The following APLP2 variants were observed in gnomAD, a reference collection of about 807,000 sequenced individuals.
The protein encoded by APLP2 is amyloid beta precursor like protein 2, also known as CDEI box-binding protein.
APLP2 carries 53 observed loss-of-function variants against 89.9 expected under a neutral mutation model. The observed-to-expected ratio is 0.59, with a 90% CI of 0.47 to 0.74. The LOEUF (loss-of-function observed/expected upper bound fraction) is 0.74, where lower values mean the gene tolerates loss of function less well. Among genes scored for constraint, APLP2 ranks in the 30% least tolerant of loss-of-function variants. The pLI, the probability that APLP2 is intolerant of heterozygous loss-of-function variation, is 0.00. For synonymous variants in APLP2, 372 were observed against 348.6 expected (o/e 1.07, Z -0.75); for missense variants, 973 against 975.9 (o/e 1.00, Z 0.04).
In APLP2 at chr11:130,140,425, G is replaced by A. The variant is rs532810094; in HGVS notation, c.1865G>A (p.Gly622Glu). ...EGSGVGEQDG[G>E]LIGAEEKVIN... ...TCTGGAGTGGGAGAGCAGGATGGGG[G>A]ACTGATCGGTGCCGAAGAGAAAGTG... is the stretch of plus-strand genomic sequence containing the variant. The change falls in exon 14 of 17, where the codon GGA (glycine) becomes GAA (glutamate). Residue 622 changes from glycine (G) to glutamate (E), a missense_variant. Physicochemically the swap from Gly to Glu is moderately conservative, Grantham distance 98. Coordinates refer to ENST00000338167, the MANE Select transcript of APLP2 (RefSeq NM_001142276.2). 1 of 1,611,510 alleles carries A rather than the reference G, an allele frequency of 6.2e-7. No homozygotes were observed. The highest frequency in any genetic ancestry group is 2.2e-5 in the East Asian group (1 of 44,658).
intron 5 of APLP2, among the ~76,000 whole-genome samples, 198 bp downstream of exon 5, chr11:130,122,008 T>G (rs550481581): frequency 7.2e-5 from 11 of 152,228 alleles, no homozygotes; most frequent in Non-Finnish European, 1.6e-4. Context: ...TACATCATTC[T>G]GAGCTGTTAT....
chr11:130,094,402 T>A (rs1413090331), intron 1 of APLP2, among the ~76,000 whole-genome samples: 4 of 152,000 alleles, frequency 2.6e-5, no homozygotes, highest in African/African-American at 9.7e-5. Context: ...TTGGCCAGGC[T>A]GGTCTTGAAT....
At chr11:130,094,734 A>G (rs1214404969) in intron 1 of APLP2, among the ~76,000 whole-genome samples, 1 of 152,244 alleles carries the variant, frequency 6.6e-6, no homozygotes, top group African/African-American at 2.4e-5. Context: ...GCTATGGAGC[A>G]CTGTGAGCCA....
At chr11:130,086,446 A>G (rs987083490) in intron 1 of APLP2, among the ~76,000 whole-genome samples, 2 of 152,056 alleles carry the variant, frequency 1.3e-5, no homozygotes, top group African/African-American at 4.8e-5. Context: ...TGATTTGTAG[A>G]TATTTTCTGT....
At chr11:130,094,375 G>C (rs956731098) in intron 1 of APLP2, among the ~76,000 whole-genome samples, 3 of 152,022 alleles carry the variant, frequency 2.0e-5, no homozygotes, top group Non-Finnish European at 4.4e-5. Context: ...TTTTAGTAGA[G>C]ATGAGGTTTT....
chr11:130,105,734 G>A (rs113475184), intron 1 of APLP2, among the ~76,000 whole-genome samples: 6 of 117,960 alleles, frequency 5.1e-5, no homozygotes, highest in Non-Finnish European at 9.6e-5. Flanking sequence ...ATGGAGTTTC[G>A]CTCTTGTTGC....
At chr11:130,134,744 G>T (rs938005602) in intron 12 of APLP2, among the ~76,000 whole-genome samples, 1 of 152,210 alleles carries the variant, frequency 6.6e-6, no homozygotes, top group Non-Finnish European at 1.5e-5. Flanking sequence ...GACAGCTGGG[G>T]ATGGTCTGTA....
Position 130,143,562 on chromosome 11 carries a change from A to T in APLP2, c.*114A>T, listed in dbSNP as rs116676856. ...GCCAGGGGCTGCGTCTGACATCCTG[A>T]CCTCCTGGACTGTAGGACTATATAA... On this transcript the variant is annotated 3_prime_UTR_variant, in exon 17 of 17. Transcript: ENST00000338167. 632 of 813,932 alleles carry T rather than the reference A, an allele frequency of 7.8e-4. 3 individuals are homozygous for T. In the African/African-American group the frequency reaches 9.4e-3, roughly 12 times the overall value. 50.4% of individuals were successfully genotyped at this position (813,932 alleles called of 1,614,324 possible).
chr11:130,105,670 T>C (rs1256209799), intron 1 of APLP2, among the ~76,000 whole-genome samples: 1 of 150,602 alleles, frequency 6.6e-6, no homozygotes, highest in African/African-American at 2.4e-5. Context: ...GTCTCTCTCT[T>C]TCTCTCTCTC....
At chr11:130,096,125 C>T (rs1946172637) in intron 1 of APLP2, among the ~76,000 whole-genome samples, 1 of 152,142 alleles carries the variant, frequency 6.6e-6, no homozygotes, top group African/African-American at 2.4e-5. Context: ...TTGGGAACAG[C>T]AGGGGAAGGC....
In APLP2 at chr11:130,126,721, C is replaced by T; in HGVS notation, c.1112C>T (p.Thr371Ile). 1 of 1,614,060 alleles carries T rather than the reference C, an allele frequency of 6.2e-7. No individual in the cohort carries two copies. Among genetic ancestry groups the T allele is most frequent in the South Asian group, 1.1e-5 (1 of 91,076 alleles). ...TCAGTTCCTCCAACTCCTCTGCCAA[C>T]CAATGATGTTGATGTGTATTTCGAG... Reference protein sequence around the residue: ...KAMIPPTPLPTNDVDVYFETS... With the variant: ...KAMIPPTPLPINDVDVYFETS... Residue 371 changes from threonine to isoleucine, a missense_variant, in exon 8 of 17, where the codon ACC becomes ATC. Coordinates refer to ENST00000338167, the MANE Select transcript of APLP2 (RefSeq NM_001142276.2).
intron 1 of APLP2, among the ~76,000 whole-genome samples, chr11:130,089,008 G>A (rs1003209386): frequency 2.6e-5 from 4 of 152,038 alleles, no homozygotes; most frequent in South Asian, 2.1e-4. Context: ...AGTCCTTCCA[G>A]TATGATGCCA....
In APLP2 at chr11:130,123,861, C is replaced by G. The variant is rs1950102209; in HGVS notation, c.1090+82C>G. ...CTCCCTGCCGTCTTCGTGGCTGCAT[C>G]TGTGTGGTGTCCCTGCCCACTCGGG... On this transcript the variant is annotated intron_variant, in intron 7 of 16. Coordinates refer to ENST00000338167, the MANE Select transcript of APLP2 (RefSeq NM_001142276.2). The surrounding 1 kb of genome is among the most constrained non-coding windows in gnomAD (Gnocchi z 4.0). 4.0e-6 allele frequency: 6 copies of G among 1,493,016 alleles called. No homozygotes were observed. Among genetic ancestry groups the G allele is most frequent in the Non-Finnish European group, 5.5e-6 (6 of 1,088,426 alleles). The allele number at this position is 1,493,016 out of a possible 1,614,324, so 92.5% of individuals were successfully genotyped here.
In APLP2 at chr11:130,123,532, C is replaced by G. The variant is rs1950054352; in HGVS notation, c.923-80C>G. 1 of 1,465,824 alleles carries G rather than the reference C, an allele frequency of 6.8e-7. No homozygotes were observed. Among genetic ancestry groups the G allele is most frequent in the South Asian group, 1.3e-5 (1 of 77,724 alleles). 90.8% of individuals were successfully genotyped at this position (1,465,824 alleles called of 1,614,324 possible). A position where few individuals can be genotyped will look rare whatever the true frequency, so the allele number is the denominator to read the frequency against. On this transcript the variant is annotated intron_variant, in intron 6 of 16. Transcript: ENST00000338167. The surrounding 1 kb of genome is among the most constrained non-coding windows in gnomAD (Gnocchi z 4.0). ...CTCAGGCCTCCCCCAGCCCATCCCC[C>G]AGCTCGCCAGCCTGTAGCATTTTGA...
rs1169262802 is a variant in APLP2, at chr11:130,102,020, C to T, written c.106-7409C>T. 4 of 455,140 alleles carry T rather than the reference C, an allele frequency of 8.8e-6. No individual in the cohort carries two copies. In the Admixed American group the frequency reaches 9.5e-5, roughly 11 times the overall value. The allele number at this position is 455,140 out of a possible 1,614,324, so 28.2% of individuals were successfully genotyped here. A position where few individuals can be genotyped will look rare whatever the true frequency, so the allele number is the denominator to read the frequency against. ...ATTAATGTAGGTGTCTGATGTGTGT[C>T]TCTGCTCTCAAGTAATTGTTTTCCC... On this transcript the variant is annotated intron_variant, in intron 1 of 16. Coordinates refer to ENST00000338167, the MANE Select transcript of APLP2 (RefSeq NM_001142276.2).
intron 1 of APLP2, among the ~76,000 whole-genome samples, chr11:130,083,191 C>G (rs1182204053): frequency 6.6e-6 from 1 of 151,870 alleles, no homozygotes; most frequent in Admixed American, 6.6e-5. Context: ...GTTGAGCCAT[C>G]ATGCCTGGGT....
chr11:130,115,284 G>A (rs1011003506), intron 3 of APLP2, among the ~76,000 whole-genome samples: 4 of 152,052 alleles, frequency 2.6e-5, no homozygotes, highest in African/African-American at 9.7e-5. Flanking sequence ...TTTTGATACA[G>A]GCATATAGTG....
intron 1 of APLP2, among the ~76,000 whole-genome samples, chr11:130,093,029 C>T (rs1945642371): frequency 1.3e-5 from 2 of 152,134 alleles, no homozygotes; most frequent in Admixed American, 6.5e-5. Flanking sequence ...CCCCTGAATA[C>T]CCCTCCCTAC....
chr11:130,138,320 A>G (rs1277753692), intron 13 of APLP2, among the ~76,000 whole-genome samples: 1 of 152,208 alleles, frequency 6.6e-6, no homozygotes, highest in African/African-American at 2.4e-5. Flanking sequence ...GACTTCGTGT[A>G]GATGCTTTAT....
Sources: allele counts gnomAD v4.1 joint callset (sites outside exome capture counted in the v4.1 genomes callset), GRCh38; gene constraint gnomAD v4.1.1; non-coding constraint Gnocchi (gnomAD v3.1); transcripts MANE v1.5; gene names NCBI Gene and HGNC (gene_info 2026-07-23, HGNC 2026-07-21).